Variants in NBEAL2 observed in about 807,000 individuals in gnomAD.
NBEAL2 encodes the protein neurobeachin like 2, also known as neurobeachin-like protein 2.
A neutral mutation model predicts 299.8 loss-of-function variants in NBEAL2; 160 were observed. The observed-to-expected ratio is 0.53, with a 90% CI of 0.47 to 0.61. The LOEUF (loss-of-function observed/expected upper bound fraction) is 0.61, where lower values mean the gene tolerates loss of function less well. NBEAL2 is among the 20% of genes least tolerant of loss of function. The probability of loss-of-function intolerance (pLI) is 0.00; values close to 1 mark genes in which losing one functional copy is unlikely to be tolerated. For missense variants in NBEAL2, 3,112 were observed against 3,649.0 expected, an observed-to-expected ratio of 0.85 and a Z score of 3.79; for synonymous variants, 1,493 against 1,542.3, an observed-to-expected ratio of 0.97 and a Z score of 0.75.
At chr3:46,985,760 G>T (rs758001363) in intron 1 of NBEAL2, among the ~76,000 whole-genome samples, 19 of 152,212 alleles carry the variant, frequency 1.2e-4, no homozygotes, top group Non-Finnish European at 2.5e-4. Flanking sequence ...TGGGGGACAG[G>T]GTTGGGGCCC....
Position 46,999,081 on chromosome 3 carries a change from A to G in NBEAL2, c.3507A>G (p.Pro1169=). 1 of 1,589,820 alleles carries G rather than the reference A, an allele frequency of 6.3e-7. No homozygotes were observed. Among genetic ancestry groups the G allele is most frequent in the Non-Finnish European group, 8.6e-7 (1 of 1,168,712 alleles). ...TGCTACTGGCCCTGCTAGTGCGGCC[A>G]GGGTCACTGCCCCTGCTGCCCGATC... ...LEVLLALLVR[P]GSLPLLPDRV... Residue 1169 remains proline (P), a synonymous_variant, in exon 24 of 54, where the codon CCA becomes CCG. Coordinates refer to ENST00000450053, the MANE Select transcript of NBEAL2 (RefSeq NM_015175.3).
Position 46,989,240 on chromosome 3 carries a change from C to G in NBEAL2, c.352-20C>G. ...GGCGGTAGCCATGGCGGGGCTAACCCTCTCTCCCCACACCTACAGCTGAAA... is the reference window on the plus strand; with the variant it reads ...GGCGGTAGCCATGGCGGGGCTAACCGTCTCTCCCCACACCTACAGCTGAAA... On this transcript the variant is annotated intron_variant, in intron 4 of 53. Coordinates refer to ENST00000450053, the MANE Select transcript of NBEAL2 (RefSeq NM_015175.3). This position sits in a 1 kb window ranked among gnomAD's most constrained non-coding sequence, Gnocchi z 5.5. The G allele has an allele frequency of 6.2e-7, 1 of 1,612,274 alleles. No individual in the cohort carries two copies. The highest frequency in any genetic ancestry group is 2.2e-5 in the East Asian group (1 of 44,810).
chr3:46,991,635 G>A lies in NBEAL2; in HGVS notation c.872G>A (p.Gly291Asp), dbSNP rs200121105. 2.3e-4 allele frequency: 371 copies of A among 1,599,838 alleles called. No individual in the cohort carries two copies. The African/African-American group carries it at 4.0e-3, about 17-fold the overall frequency. Residue 291 changes from glycine (G) to aspartate (D), a missense_variant, in exon 8 of 54, where the codon GGT becomes GAT. By Grantham distance (94) the Gly-to-Asp change is moderately conservative. Transcript: ENST00000450053. The surrounding 1 kb of genome is among the most constrained non-coding windows in gnomAD (Gnocchi z 6.2). ...GTCCTTAATGCTGACTGGCCAGCTGGTCTGAGCTCAGGCCCCGAAGAGGCC... is the reference window on the plus strand; with the variant it reads ...GTCCTTAATGCTGACTGGCCAGCTGATCTGAGCTCAGGCCCCGAAGAGGCC... ...FHVLNADWPAGLSSGPEEALV... is the reference protein window; with the variant it reads ...FHVLNADWPADLSSGPEEALV...
At chr3:46,996,886 TCC>T in intron 17 of NBEAL2, 53 bp downstream of exon 17, 1 of 1,608,504 alleles carries the variant, frequency 6.2e-7, no homozygotes, top group Non-Finnish European at 8.5e-7. Flanking sequence ...CTTCCCCGGC[TCC>T]CACACTCTGC....
At position 46,998,544 on chromosome 3, in the gene NBEAL2, A is replaced by G; in HGVS notation, c.3200A>G (p.Asp1067Gly). The G allele has an allele frequency of 6.2e-7, 1 of 1,611,908 alleles. No homozygotes were observed. Among genetic ancestry groups the G allele is most frequent in the Non-Finnish European group, 8.5e-7 (1 of 1,179,142 alleles). ...RKKYGVQFIL[D>G]ALRTHYSPQR... ...AAGTACGGCGTCCAGTTTATCTTGG[A>G]TGCTCTGCGCACCCACTACAGGTGA... Residue 1067 changes from aspartate to glycine, a missense_variant, in exon 22 of 54, where the codon GAT (aspartate) becomes GGT (glycine). Transcript: ENST00000450053.
At position 46,997,552 on chromosome 3, in the gene NBEAL2, G is replaced by T; in HGVS notation, c.2825-9G>T. 6.3e-7 allele frequency: 1 copy of T among 1,586,964 alleles called. No homozygotes were observed. Among genetic ancestry groups the T allele is most frequent in the Non-Finnish European group, 8.6e-7 (1 of 1,160,742 alleles). ...GACACACATCTGTCCCCTTCCTGAT[G>T]GCTGGCAGAGGAACGGATGGAGAGG... is the stretch of plus-strand genomic sequence containing the variant. On this transcript the variant is annotated splice_polypyrimidine_tract_variant and intron_variant, in intron 19 of 53. Coordinates refer to ENST00000450053, the MANE Select transcript of NBEAL2 (RefSeq NM_015175.3).
chr3:47,002,714 C>G lies in NBEAL2; in HGVS notation c.5371C>G (p.Gln1791Glu), dbSNP rs2037116976. 4 of 1,597,580 alleles carry G rather than the reference C, an allele frequency of 2.5e-6. No individual in the cohort carries two copies. Among genetic ancestry groups the G allele is most frequent in the Non-Finnish European group, 3.4e-6 (4 of 1,174,692 alleles). Residue 1791 changes from glutamine (Q) to glutamate (E), a missense_variant, in exon 33 of 54, where the codon CAG (glutamine) becomes GAG (glutamate). By Grantham distance (29) the Gln-to-Glu change is conservative (BLOSUM62 2). Coordinates refer to ENST00000450053, the MANE Select transcript of NBEAL2 (RefSeq NM_015175.3). ...EGLRYTAVLK[Q>E]QATQHSMALL... ...GCTACGCTACACGGCAGTGCTGAAG[C>G]AGCAGGCAACGCAGCACTCCATGGC...
chr3:46,984,720 G>C (rs2035578055), intron 1 of NBEAL2, among the ~76,000 whole-genome samples: 1 of 152,100 alleles, frequency 6.6e-6, no homozygotes, highest in Non-Finnish European at 1.5e-5. Context: ...AGCTCTGACT[G>C]AGAGGAGTCA....
In NBEAL2 at chr3:47,001,748, C is replaced by A; in HGVS notation, c.4704C>A (p.Asn1568Lys). The part of the protein sequence containing the change: ...DRLGAWPHLA[N>K]GTADLREMAQ... ...TGGGAGCCTGGCCCCACCTGGCCAA[C>A]GGCACAGCTGATCTCCGTGAGATGG... The change falls in exon 30 of 54, where the codon AAC becomes AAA. Residue 1568 changes from asparagine to lysine, a missense_variant. Coordinates refer to ENST00000450053, the MANE Select transcript of NBEAL2 (RefSeq NM_015175.3). This position sits in a 1 kb window ranked among gnomAD's most constrained non-coding sequence, Gnocchi z 6.1. 1 of 1,613,894 alleles carries A rather than the reference C, an allele frequency of 6.2e-7. No homozygotes were observed. The highest frequency in any genetic ancestry group is 8.5e-7 in the Non-Finnish European group (1 of 1,179,900).
chr3:46,998,392 G>T, intron 21 of NBEAL2, 71 bp from the exon 22 acceptor site: 2 of 1,536,060 alleles, frequency 1.3e-6, no homozygotes, highest in South Asian at 1.2e-5. Flanking sequence ...CAGGCACATG[G>T]CCCTGGCCTG....
Position 47,000,313 on chromosome 3 carries a change from A to G in NBEAL2, c.4214A>G (p.His1405Arg), listed in dbSNP as rs1156663224. 2 of 1,612,134 alleles carry G rather than the reference A, an allele frequency of 1.2e-6. No homozygotes were observed. Among genetic ancestry groups the G allele is most frequent in the South Asian group, 2.2e-5 (2 of 91,060 alleles). The change falls in exon 27 of 54, where the codon CAC becomes CGC. Residue 1405 changes from histidine to arginine, a missense_variant. Coordinates refer to ENST00000450053, the MANE Select transcript of NBEAL2 (RefSeq NM_015175.3). This position sits in a 1 kb window ranked among gnomAD's most constrained non-coding sequence, Gnocchi z 4.5. ...PRPFPAAPGR[H>R]SSSLSNVLED... ...CCCTTTCCTGCTGCTCCTGGCCGCC[A>G]CAGCTCCAGTCTCTCCAATGTGCTG...
intron 45 of NBEAL2, 77 bp downstream of exon 45, chr3:47,006,526 G>T: frequency 1.5e-6 from 2 of 1,333,816 alleles, no homozygotes; most frequent in African/African-American, 2.9e-5. Flanking sequence ...ACCACGTGGG[G>T]CAGATGGGAA....
In NBEAL2 at chr3:47,004,938, C is replaced by A; in HGVS notation, c.6295-34C>A. On this transcript the variant is annotated intron_variant, in intron 38 of 53. Transcript: ENST00000450053. This position sits in a 1 kb window ranked among gnomAD's most constrained non-coding sequence, Gnocchi z 5.0. ...AGGGTGGGCTGGTAGGCCATCAGGG[C>A]CCTCATGCAGCCCCTGCTCGGGTGG... 2 of 1,584,492 alleles carry A rather than the reference C, an allele frequency of 1.3e-6. No individual in the cohort carries two copies. The highest frequency in any genetic ancestry group is 8.6e-7 in the Non-Finnish European group (1 of 1,165,756).
In NBEAL2 at chr3:47,002,822, G is replaced by C. The variant is rs1002242796; in HGVS notation, c.5459+20G>C. 5 of 1,551,638 alleles carry C rather than the reference G, an allele frequency of 3.2e-6. No homozygotes were observed. Among genetic ancestry groups the C allele is most frequent in the Non-Finnish European group, 4.3e-6 (5 of 1,153,900 alleles). Reference sequence around the variant, plus strand: ...GCTGAGGTGGGCCGGGCTTGGGGCAGGGTCGCTGTGGAGGGGTGGGGCTTG... The same window carrying C: ...GCTGAGGTGGGCCGGGCTTGGGGCACGGTCGCTGTGGAGGGGTGGGGCTTG... On this transcript the variant is annotated intron_variant, in intron 33 of 53. Transcript: ENST00000450053.
chr3:46,987,984 CCG>C (rs2035792906), intron 1 of NBEAL2: 1 of 1,276,334 alleles, frequency 7.8e-7, no homozygotes, highest in Non-Finnish European at 1.0e-6. Context: ...GAGACATTTC[CCG>C]TTCACACCAA....
chr3:47,003,762 T>G lies in NBEAL2; in HGVS notation c.5721-54T>G. On this transcript the variant is annotated intron_variant, in intron 35 of 53. Coordinates refer to ENST00000450053, the MANE Select transcript of NBEAL2 (RefSeq NM_015175.3). This position sits in a 1 kb window ranked among gnomAD's most constrained non-coding sequence, Gnocchi z 7.0. ...ATGGCACTTGGATGCCCTTTGGGCT[T>G]GTGAAGAAGGGGGTCCCAGAGCCTA... 6.6e-7 allele frequency: 1 copy of G among 1,519,060 alleles called. No homozygotes were observed. 94.1% of individuals were successfully genotyped at this position (1,519,060 alleles called of 1,614,324 possible). A position where few individuals can be genotyped will look rare whatever the true frequency, so the allele number is the denominator to read the frequency against.
At chr3:46,985,751 G>C (rs889352009) in intron 1 of NBEAL2, among the ~76,000 whole-genome samples, 1 of 152,186 alleles carries the variant, frequency 6.6e-6, no homozygotes, top group African/African-American at 2.4e-5. Context: ...TGCCTTCAGT[G>C]GGGGACAGGG....
chr3:47,003,198 AG>A lies in NBEAL2; in HGVS notation c.5611del (p.Glu1871ArgfsTer8). 2 of 1,611,490 alleles carry A rather than the reference AG, an allele frequency of 1.2e-6. No individual in the cohort carries two copies. Among genetic ancestry groups the A allele is most frequent in the Non-Finnish European group, 1.7e-6 (2 of 1,178,566 alleles). ...NLGEVPLTPT[E>X]EASLPLAVTK... Reference sequence around the variant, plus strand: ...GGTGAGGTTCCCCTGACACCCACCGAGGAGGCCTCACTGCCTCTGGCAGTGA... The same window carrying A: ...GGTGAGGTTCCCCTGACACCCACCGAGAGGCCTCACTGCCTCTGGCAGTGA... On this transcript the variant is annotated frameshift_variant, in exon 35 of 54. Coordinates refer to ENST00000450053, the MANE Select transcript of NBEAL2 (RefSeq NM_015175.3). LOFTEE classifies it high-confidence loss of function. This position sits in a 1 kb window ranked among gnomAD's most constrained non-coding sequence, Gnocchi z 7.0.
chr3:47,006,301 T>C, intron 44 of NBEAL2, 32 bp from the exon 45 acceptor site: 2 of 1,604,872 alleles, frequency 1.2e-6, no homozygotes, highest in South Asian at 1.1e-5. Context: ...GGGATGCCCA[T>C]GCCATGGTGC....
Sources: allele counts gnomAD v4.1 joint callset (sites outside exome capture counted in the v4.1 genomes callset), GRCh38; gene constraint gnomAD v4.1.1; non-coding constraint Gnocchi (gnomAD v3.1); transcripts MANE v1.5; gene names NCBI Gene and HGNC (gene_info 2026-07-23, HGNC 2026-07-21).